IQCK: variants seen among roughly 807,000 people sequenced by gnomAD.
The protein encoded by IQCK is IQ motif containing K, also known as IQ domain-containing protein K.
IQCK carries 29 observed loss-of-function variants against 28.1 expected under a neutral mutation model. That is an observed-to-expected ratio of 1.03 (90% CI 0.77 to 1.41). The LOEUF (loss-of-function observed/expected upper bound fraction) is 1.41. Among genes scored for constraint, IQCK ranks in the 40% most tolerant of loss-of-function variants. The pLI, the probability that IQCK is intolerant of heterozygous loss-of-function variation, is 0.00. For missense variants in IQCK, 359 were observed against 314.7 expected, an observed-to-expected ratio of 1.14 and a Z score of -1.07; for synonymous variants, 113 against 115.1, an observed-to-expected ratio of 0.98 and a Z score of 0.12.
chr16:19,724,834 C>T (rs1157841697), intron 1 of IQCK, among the ~76,000 whole-genome samples: 1 of 152,102 alleles, frequency 6.6e-6, no homozygotes, highest in African/African-American at 2.4e-5. Context: ...GCCCGGCCAC[C>T]AGTCAATGCT....
chr16:19,807,667 T>C (rs2055850738), intron 7 of IQCK, among the ~76,000 whole-genome samples: 1 of 152,158 alleles, frequency 6.6e-6, no homozygotes, highest in African/African-American at 2.4e-5. Flanking sequence ...CCTAGTAGGG[T>C]GCCATGATCT....
Position 19,735,256 on chromosome 16 carries a change from G to C in IQCK, c.377-97G>C. 2 of 806,130 alleles carry C rather than the reference G, an allele frequency of 2.5e-6. 1 individual carries two copies. Among genetic ancestry groups the C allele is most frequent in the South Asian group, 2.9e-5 (2 of 68,376 alleles). 49.9% of individuals were successfully genotyped at this position (806,130 alleles called of 1,614,324 possible). ...AACATCTAAGATCATGTGATTGAAT[G>C]GACAGTACCTTTTTCTGGCTCAAAA... On this transcript the variant is annotated intron_variant, in intron 3 of 7. Transcript: ENST00000564186.
At chr16:19,771,623 T>A (rs2055322076) in intron 6 of IQCK, among the ~76,000 whole-genome samples, 1 of 152,162 alleles carries the variant, frequency 6.6e-6, no homozygotes, top group Admixed American at 6.6e-5. Context: ...AATGCACAGA[T>A]CACCGAAGAG....
chr16:19,834,391 G>C (rs1024122968), intron 9 of IQCK, among the ~76,000 whole-genome samples: 1 of 152,154 alleles, frequency 6.6e-6, no homozygotes, highest in Non-Finnish European at 1.5e-5. Context: ...ATTTGAACCC[G>C]GATCTACCTG....
In IQCK at chr16:19,827,155, C is replaced by T. The variant is rs774729116; in HGVS notation, c.820C>T (p.Leu274=). 1.3e-6 allele frequency: 2 copies of T among 1,515,370 alleles called. No individual in the cohort carries two copies. The highest frequency in any genetic ancestry group is 2.2e-5 in the South Asian group (2 of 89,168). The allele number at this position is 1,515,370 out of a possible 1,614,324, so 93.9% of individuals were successfully genotyped here. A position where few individuals can be genotyped will look rare whatever the true frequency, so the allele number is the denominator to read the frequency against. Residue 274 remains leucine (L), a synonymous_variant, in exon 8 of 8, where the codon CTG becomes TTG. Transcript: ENST00000564186. ...ACAAAAAGGTAAGTTGCTGGATTCA[C>T]TGTCCTTAGTTCATTCAAGAAAAGC... is the stretch of plus-strand genomic sequence containing the variant.
Position 19,762,283 on chromosome 16 carries a change from G to A in IQCK, c.475-1565G>A, listed in dbSNP as rs532245015. On this transcript the variant is annotated intron_variant, in intron 4 of 7. Coordinates refer to ENST00000564186, the Ensembl canonical transcript of IQCK. ...AGCTAGCAGGGTCAGCCACACTGCT[G>A]GCGGCACCTGTGTGCGGGGTGTCTC... Among the ~76,000 whole-genome samples the A allele has an allele frequency of 2.9e-3, 448 of 152,292 alleles. 1 individual carries two copies. The highest frequency in any genetic ancestry group is 0.01 in the African/African-American group (418 of 41,564).
At chr16:19,764,419 G>A in intron 6 of IQCK, 2 of 216,140 alleles carry the variant, frequency 9.3e-6, no homozygotes, top group East Asian at 9.6e-5. Context: ...TTATGTCTCA[G>A]GAAATATGAC....
chr16:19,804,364 A>T (rs890020791), intron 7 of IQCK, among the ~76,000 whole-genome samples: 1 of 151,586 alleles, frequency 6.6e-6, no homozygotes, highest in Non-Finnish European at 1.5e-5. Flanking sequence ...TAAAATAAAA[A>T]AGTACTTGAG....
intron 9 of IQCK, among the ~76,000 whole-genome samples, chr16:19,841,495 C>A (rs1431218746): frequency 6.6e-6 from 1 of 152,208 alleles, no homozygotes; most frequent in Non-Finnish European, 1.5e-5. Context: ...TGGCTGGCAA[C>A]TTCCTAGCTG....
intron 9 of IQCK, among the ~76,000 whole-genome samples, chr16:19,849,818 CA>C (rs1439025880): frequency 6.6e-6 from 1 of 151,690 alleles, no homozygotes; most frequent in Non-Finnish European, 1.5e-5. Context: ...GAAAGGAAGG[CA>C]GGGATGATTA....
chr16:19,727,901 A>G (rs549664642), intron 1 of IQCK, among the ~76,000 whole-genome samples: 60 of 152,242 alleles, frequency 3.9e-4, no homozygotes, highest in African/African-American at 1.4e-3. Flanking sequence ...GCGGAATTCT[A>G]AGATAGCCCC....
chr16:19,856,307 A>G (rs1207433769), intron 9 of IQCK, among the ~76,000 whole-genome samples, 180 bp from the exon 9 acceptor site: 1 of 152,238 alleles, frequency 6.6e-6, no homozygotes, highest in Non-Finnish European at 1.5e-5. Flanking sequence ...TGCTGTCCTT[A>G]GAGCACAATG....
intron 7 of IQCK, among the ~76,000 whole-genome samples, chr16:19,812,842 T>TG (rs528312652): frequency 0.014 from 2,145 of 151,856 alleles, 39 homozygotes; most frequent in African/African-American, 0.048. Context: ...CAGAAAAAGG[T>TG]AGGGGGGGAA....
chr16:19,810,583 C>T (rs192798771), intron 7 of IQCK, among the ~76,000 whole-genome samples: 6 of 151,664 alleles, frequency 4.0e-5, no homozygotes, highest in Non-Finnish European at 8.8e-5. Context: ...GAGGCCAAGG[C>T]GGGCGGATCA....
At chr16:19,856,431 A>G in intron 9 of IQCK, 56 bp from the exon 9 acceptor site, 1 of 1,468,680 alleles carries the variant, frequency 6.8e-7, no homozygotes, top group East Asian at 2.3e-5. Flanking sequence ...TTTCCCAATG[A>G]CAAGCCTGTC....
chr16:19,748,264 A>G (rs28394434), intron 4 of IQCK, among the ~76,000 whole-genome samples: 3,490 of 151,964 alleles, frequency 0.023, 111 homozygotes, highest in African/African-American at 0.08. Context: ...CAATAGAGAC[A>G]GGGTTTCACC....
At chr16:19,811,012 A>G (rs758870374) in intron 7 of IQCK, among the ~76,000 whole-genome samples, 2 of 151,988 alleles carry the variant, frequency 1.3e-5, no homozygotes, top group Admixed American at 6.6e-5. Context: ...GTCTGGGTAC[A>G]GTGGCTCACG....
At chr16:19,773,243 A>C (rs769004071) in intron 6 of IQCK, among the ~76,000 whole-genome samples, 2 of 152,064 alleles carry the variant, frequency 1.3e-5, no homozygotes, top group Non-Finnish European at 2.9e-5. Flanking sequence ...CCCTGGGGAA[A>C]GGGGAGATGG....
exon 1 of IQCK, chr16:19,718,309 G>A: frequency 6.2e-7 from 1 of 1,604,848 alleles, no homozygotes; most frequent in Non-Finnish European, 8.5e-7. Context: ...CCGCGGCCAT[G>A]GCGGCACCGC....
Sources: gnomAD v4.1 joint callset for allele counts (sites outside exome capture counted in the v4.1 genomes callset) on GRCh38, gnomAD v4.1.1 for gene constraint, MANE v1.5 for transcripts, NCBI Gene and HGNC (gene_info 2026-07-23, HGNC 2026-07-21) for gene names.